The following SPOCD1 variants were observed in gnomAD, a reference collection of about 807,000 sequenced individuals.
SPOCD1 encodes SPOC domain containing 1.
SPOCD1 carries 64 observed loss-of-function variants against 92.2 expected under a neutral mutation model. That is an observed-to-expected ratio of 0.69 (90% CI 0.57 to 0.86). SPOCD1 has a LOEUF of 0.86. Among genes scored for constraint, SPOCD1 ranks in the 40% least tolerant of loss-of-function variants. The pLI is 0.00. For synonymous variants in SPOCD1, 578 were observed against 619.3 expected, an observed-to-expected ratio of 0.93 and a Z score of 0.99; for missense variants, 1,360 against 1,543.1, an observed-to-expected ratio of 0.88 and a Z score of 1.99.
chr1:31,793,485 G>GC, intron 12 of SPOCD1, 57 bp from the exon 13 acceptor site: 1 of 1,544,312 alleles, frequency 6.5e-7, no homozygotes, highest in Non-Finnish European at 8.8e-7. Context: ...GACTTCCCCG[G>GC]CACCTCCTTT....
rs200934198 is a variant in SPOCD1 at position 31,793,288 on chromosome 1, C to T, written c.2675G>A (p.Arg892Gln). ...RAQLVSGHSCRLVQALPTVIR... is the reference protein window; with the variant it reads ...RAQLVSGHSCQLVQALPTVIR... ...GGAGGGCAGGTGCACCTGGACAAGC[C>T]GACAGCTGTGTCCCGAGACCAGCTG... The change falls in exon 13 of 16, where the codon CGG becomes CAG. Residue 892 changes from arginine to glutamine, a missense_variant. Around this residue, in one of 3 missense-constraint regions of SPOCD1, gnomAD observed 614 missense variants for 757.8 expected, o/e 0.81. Transcript: ENST00000360482. 6.3e-6 allele frequency: 10 copies of T among 1,593,436 alleles called. No individual in the cohort carries two copies. The highest frequency in any genetic ancestry group is 5.4e-5 in the African/African-American group (4 of 74,728).
At chr1:31,796,498 G>C in intron 10 of SPOCD1, 92 bp downstream of exon 10, 1 of 1,600,026 alleles carries the variant, frequency 6.2e-7, no homozygotes, top group Admixed American at 1.7e-5. Flanking sequence ...GAGCAGTCAG[G>C]TGACATGCCC....
Position 31,800,584 on chromosome 1 carries a change from C to T in SPOCD1, c.1459G>A (p.Ala487Thr), listed in dbSNP as rs1256671566. 10 of 1,609,302 alleles carry T rather than the reference C, an allele frequency of 6.2e-6. No individual in the cohort carries two copies. Among genetic ancestry groups the T allele is most frequent in the Non-Finnish European group, 8.5e-6 (10 of 1,177,816 alleles). ...CCCCCTGCCTGGCCGTGGCTGATGGCCCCCAGGAGCTGGATCACTGGCCCG... is the reference window on the plus strand; with the variant it reads ...CCCCCTGCCTGGCCGTGGCTGATGGTCCCCAGGAGCTGGATCACTGGCCCG... ...GSGPVIQLLG[A>T]ISHGQAGGQL... is the part of the protein sequence containing the mutation. Residue 487 changes from alanine (A) to threonine (T), a missense_variant, in exon 4 of 16, where the codon GCC becomes ACC. Coordinates refer to ENST00000360482, the MANE Select transcript of SPOCD1 (RefSeq NM_144569.7).
At position 31,799,852 on chromosome 1, in the gene SPOCD1, C is replaced by T; in HGVS notation, c.1740G>A (p.Met580Ile). The stretch of plus-strand genomic sequence containing the variant: ...CCGGAAGAGAATCCTCTTCAGCCTC[C>T]ATTGGGCCACTCTGTAGGGGAGGCG... ...SDPACSQSGP[M>I]EAEEDSLPEQ... Residue 580 changes from methionine (M) to isoleucine (I), a missense_variant, in exon 6 of 16, where the codon ATG (methionine) becomes ATA (isoleucine). This residue lies in a region of SPOCD1 where 606 missense variants were observed against 601.5 expected (regional missense o/e 1.01). Transcript: ENST00000360482. 6.2e-7 allele frequency: 1 copy of T among 1,614,168 alleles called. No individual in the cohort carries two copies. Among genetic ancestry groups the T allele is most frequent in the Non-Finnish European group, 8.5e-7 (1 of 1,180,026 alleles).
chr1:31,813,199 T>C lies in SPOCD1; in HGVS notation c.1383+752A>G, dbSNP rs75385257. ...TATCTTACAGGGTAACTGTGAACAC[T>C]AAAGGAAAAGCAAATTTAACACGAA... On this transcript the variant is annotated intron_variant, in intron 2 of 15. Transcript: ENST00000360482. 1.4e-3 allele frequency among the ~76,000 whole-genome samples: 218 copies of C among 152,330 alleles called. 2 individuals carry two copies. The East Asian group carries it at 0.038, about 27-fold the overall frequency.
Position 31,798,767 on chromosome 1 carries a change from G to A in SPOCD1, c.1869-166C>T. The A allele has an allele frequency of 1.5e-6, 1 of 678,812 alleles. No homozygotes were observed. The highest frequency in any genetic ancestry group is 2.5e-6 in the Non-Finnish European group (1 of 406,130). The allele number at this position is 678,812 out of a possible 1,614,324, so 42.0% of individuals were successfully genotyped here. ...TATTCTCACCCCAACTCCGTGAGGA[G>A]GAAATAGGATCATTCTCCTTTTATG... On this transcript the variant is annotated intron_variant, in intron 7 of 15. Transcript: ENST00000360482. This position sits in a 1 kb window ranked among gnomAD's most constrained non-coding sequence, Gnocchi z 4.1.
Position 31,798,168 on chromosome 1 carries a change from T to C in SPOCD1, c.2145+39A>G, listed in dbSNP as rs982571126. The C allele has an allele frequency of 3.3e-6, 5 of 1,510,226 alleles. No individual in the cohort carries two copies. Among genetic ancestry groups the C allele is most frequent in the Non-Finnish European group, 4.6e-6 (5 of 1,085,406 alleles). The allele number at this position is 1,510,226 out of a possible 1,614,324, so 93.6% of individuals were successfully genotyped here. A position where few individuals can be genotyped will look rare whatever the true frequency, so the allele number is the denominator to read the frequency against. ...ACTCTCAGGCCACCCACTCTGCCCC[T>C]ACATCCCCTCACCCATCCCGACTGG... On this transcript the variant is annotated intron_variant, in intron 9 of 15. Coordinates refer to ENST00000360482, the MANE Select transcript of SPOCD1 (RefSeq NM_144569.7). The surrounding 1 kb of genome is among the most constrained non-coding windows in gnomAD (Gnocchi z 4.1).
chr1:31,810,244 T>C (rs1454849755), intron 2 of SPOCD1, among the ~76,000 whole-genome samples: 2 of 152,124 alleles, frequency 1.3e-5, no homozygotes, highest in Admixed American at 6.6e-5. Flanking sequence ...TATGCAGGAC[T>C]GGAGTCAAAC....
intron 2 of SPOCD1, among the ~76,000 whole-genome samples, chr1:31,811,459 A>G (rs1274655088): frequency 1.3e-5 from 2 of 151,276 alleles, no homozygotes. Flanking sequence ...CTCCCATCTT[A>G]AAAAAAAAGT....
chr1:31,802,200 T>C (rs900471139), intron 2 of SPOCD1, among the ~76,000 whole-genome samples: 2 of 152,178 alleles, frequency 1.3e-5, no homozygotes, highest in South Asian at 4.1e-4. Flanking sequence ...AAATGGTTAA[T>C]AAATGGTGAC....
In SPOCD1 at chr1:31,814,522, G is replaced by A. The variant is rs778467764; in HGVS notation, c.812C>T (p.Pro271Leu). The A allele has an allele frequency of 2.6e-6, 4 of 1,537,804 alleles. No individual in the cohort carries two copies. Among genetic ancestry groups the A allele is most frequent in the African/African-American group, 1.4e-5 (1 of 72,882 alleles). Reference sequence around the variant, plus strand: ...GGCACATCCTGCCCCACTTCCACCTGGCTCTCCAGGCCCAGACCCAGTGTC... The same window carrying A: ...GGCACATCCTGCCCCACTTCCACCTAGCTCTCCAGGCCCAGACCCAGTGTC... Reference protein sequence around the residue: ...PKDTGSGPGEPGGSGAGCASG... With the variant: ...PKDTGSGPGELGGSGAGCASG... The change falls in exon 2 of 16, where the codon CCA (proline) becomes CTA (leucine). Residue 271 changes from proline (P) to leucine (L), a missense_variant. By Grantham distance (98) the Pro-to-Leu change is moderately conservative. Around this residue, in one of 3 missense-constraint regions of SPOCD1, gnomAD observed 606 missense variants for 601.5 expected, o/e 1.01. Coordinates refer to ENST00000360482, the MANE Select transcript of SPOCD1 (RefSeq NM_144569.7). The surrounding 1 kb of genome is among the most constrained non-coding windows in gnomAD (Gnocchi z 4.2).
At chr1:31,793,654 A>G in intron 12 of SPOCD1, 93 bp downstream of exon 12, 1 of 1,603,886 alleles carries the variant, frequency 6.2e-7, no homozygotes, top group Non-Finnish European at 8.5e-7. Context: ...CCAAGGCCAC[A>G]CAGGAAAAGC....
At chr1:31,799,532 G>T in intron 6 of SPOCD1, 47 bp from the exon 7 acceptor site, 1 of 1,535,020 alleles carries the variant, frequency 6.5e-7, no homozygotes. Flanking sequence ...CCAGGGGAAA[G>T]GGGAGGGGGC....
intron 2 of SPOCD1, among the ~76,000 whole-genome samples, chr1:31,801,950 C>T (rs1275836435): frequency 2.0e-5 from 3 of 152,090 alleles, no homozygotes; most frequent in Admixed American, 1.3e-4. Flanking sequence ...GGTGGATCAC[C>T]TGAGATCAGG....
At chr1:31,801,540 T>A in intron 3 of SPOCD1, 124 bp downstream of exon 3, 1 of 788,144 alleles carries the variant, frequency 1.3e-6, no homozygotes, top group South Asian at 1.5e-5. Context: ...AGCACTAGGA[T>A]CCACTGGGGG....
At position 31,801,741 on chromosome 1, in the gene SPOCD1, G is replaced by A. The variant is rs763293626; in HGVS notation, c.1384-36C>T. 8.9e-6 allele frequency: 14 copies of A among 1,579,266 alleles called. No homozygotes were observed. In the African/African-American group the frequency reaches 1.1e-4, roughly 12 times the overall value. On this transcript the variant is annotated intron_variant, in intron 2 of 15. Coordinates refer to ENST00000360482, the MANE Select transcript of SPOCD1 (RefSeq NM_144569.7). Reference sequence around the variant, plus strand: ...AAGAGGATGCAGAGATTAGAATCCAGAGGACCCAGCCACCCCATGGCAGGG... The same window carrying A: ...AAGAGGATGCAGAGATTAGAATCCAAAGGACCCAGCCACCCCATGGCAGGG...
chr1:31,798,144 C>T lies in SPOCD1; in HGVS notation c.2145+63G>A. On this transcript the variant is annotated intron_variant, in intron 9 of 15. Transcript: ENST00000360482. This position sits in a 1 kb window ranked among gnomAD's most constrained non-coding sequence, Gnocchi z 4.1. ...CCTGTCTCTGTCTCTCCCTCTTCCA[C>T]TCTCAGGCCACCCACTCTGCCCCTA... 1 of 1,262,676 alleles carries T rather than the reference C, an allele frequency of 7.9e-7. No homozygotes were observed. Among genetic ancestry groups the T allele is most frequent in the South Asian group, 1.2e-5 (1 of 83,898 alleles). 78.2% of individuals were successfully genotyped at this position (1,262,676 alleles called of 1,614,324 possible).
At chr1:31,797,991 T>C (rs745501626) in intron 9 of SPOCD1, among the ~76,000 whole-genome samples, 18 of 151,910 alleles carry the variant, frequency 1.2e-4, no homozygotes, top group Admixed American at 3.9e-4. Flanking sequence ...TCTACCAAGC[T>C]CTCCATTCCC....
chr1:31,807,986 T>C (rs1260289564), intron 2 of SPOCD1, among the ~76,000 whole-genome samples: 1 of 152,068 alleles, frequency 6.6e-6, no homozygotes, highest in Non-Finnish European at 1.5e-5. Context: ...ATAAATTGAA[T>C]CAGTAGGGAA....
Sources: allele counts gnomAD v4.1 joint callset (sites outside exome capture counted in the v4.1 genomes callset), GRCh38; gene constraint gnomAD v4.1.1; regional missense constraint gnomAD v4.1.1; non-coding constraint Gnocchi (gnomAD v3.1); transcripts MANE v1.5; gene names NCBI Gene and HGNC (gene_info 2026-07-23, HGNC 2026-07-21).